The following DLC1 variants were observed in gnomAD, a reference collection of about 807,000 sequenced individuals.
DLC1 encodes the protein rho GTPase-activating protein 7.
Under a neutral mutation model 140.3 loss-of-function variants are expected in DLC1, and 54 were observed. The observed-to-expected ratio is 0.38, with a 90% CI of 0.31 to 0.48. DLC1 has a LOEUF of 0.48. DLC1 is among the 20% of genes least tolerant of loss of function. DLC1 has a pLI of 0.96. For synonymous variants in DLC1, 986 were observed against 728.1 expected (o/e 1.35, Z -5.70); for missense variants, 2,536 against 1,907.0 (o/e 1.33, Z -6.14).
intron 5 of DLC1, among the ~76,000 whole-genome samples, chr8:13,210,401 G>A (rs973479307): frequency 6.6e-6 from 1 of 152,070 alleles, no homozygotes; most frequent in African/African-American, 2.4e-5. Context: ...TTTTACTGGA[G>A]GCATTGTCAT....
chr8:13,409,340 G>A (rs1256137305), intron 2 of DLC1, among the ~76,000 whole-genome samples: 2 of 152,030 alleles, frequency 1.3e-5, no homozygotes, highest in Non-Finnish European at 1.5e-5. Flanking sequence ...TATGTTTTAG[G>A]AAATGCTTTA....
chr8:13,292,577 T>C (rs567529232), intron 5 of DLC1, among the ~76,000 whole-genome samples: 1 of 152,280 alleles, frequency 6.6e-6, no homozygotes, highest in African/African-American at 2.4e-5. Context: ...ATGGACGCTA[T>C]TGTGTTCATC....
At chr8:13,107,688 A>G (rs1161012755) in intron 7 of DLC1, among the ~76,000 whole-genome samples, 2 of 152,198 alleles carry the variant, frequency 1.3e-5, no homozygotes, top group Non-Finnish European at 2.9e-5. Flanking sequence ...AGTGACTATC[A>G]CATAATCAGT....
intron 1 of DLC1, among the ~76,000 whole-genome samples, chr8:13,552,001 G>A (rs1018788609): frequency 9.1e-5 from 13 of 143,502 alleles, no homozygotes; most frequent in African/African-American, 3.1e-4. Context: ...ATGTGTGTGT[G>A]TGCATATATA....
At chr8:13,300,854 A>G (rs113334892) in intron 5 of DLC1, among the ~76,000 whole-genome samples, 1 of 152,372 alleles carries the variant, frequency 6.6e-6, no homozygotes, top group South Asian at 2.1e-4. Flanking sequence ...CTCTGGTGAC[A>G]GTGCAGATAA....
intron 5 of DLC1, among the ~76,000 whole-genome samples, chr8:13,183,373 A>G (rs970846967): frequency 1.3e-5 from 2 of 152,148 alleles, no homozygotes; most frequent in African/African-American, 4.8e-5. Flanking sequence ...GTGGTGAGAG[A>G]GGGCATCCTT....
intron 5 of DLC1, among the ~76,000 whole-genome samples, chr8:13,138,853 G>T (rs1047853497): frequency 1.3e-5 from 2 of 152,150 alleles, no homozygotes; most frequent in African/African-American, 4.8e-5. Context: ...AGGGGCTTAG[G>T]CAGCAAAATT....
In DLC1 at chr8:13,499,219, G is replaced by A. The variant is rs763099015; in HGVS notation, c.853C>T (p.Pro285Ser). The A allele has an allele frequency of 5.0e-6, 8 of 1,613,992 alleles. No homozygotes were observed. Among genetic ancestry groups the A allele is most frequent in the Non-Finnish European group, 6.8e-6 (8 of 1,180,020 alleles). ...GSCLLQPPSC[P>S]NGMSAENGLE... ...CCATTTTCAGCTGACATTCCATTGG[G>A]GCAGGAAGGAGGCTGCAGAAGGCAG... The change falls in exon 2 of 18, where the codon CCC becomes TCC. Residue 285 changes from proline to serine, a missense_variant. Physicochemically the swap from Pro to Ser is moderately conservative, Grantham distance 74 (BLOSUM62 -1). Transcript: ENST00000276297.
chr8:13,342,250 C>T (rs1191955129), intron 4 of DLC1: 1 of 152,124 alleles, frequency 6.6e-6, no homozygotes, highest in African/African-American at 2.4e-5. Flanking sequence ...AAAACAGTCA[C>T]CTCCTATTTC....
chr8:13,539,105 G>A (rs888845242), intron 1 of DLC1, among the ~76,000 whole-genome samples: 2 of 151,824 alleles, frequency 1.3e-5, no homozygotes. Flanking sequence ...ATCACATTTG[G>A]TCATAATCAC....
At chr8:13,353,402 G>C (rs77336274) in intron 4 of DLC1, 1 of 152,182 alleles carries the variant, frequency 6.6e-6, no homozygotes, top group Non-Finnish European at 1.5e-5. Flanking sequence ...CAGGCCAGGC[G>C]TTCTGGTTGG....
Position 13,293,744 on chromosome 8 carries a change from G to C in DLC1, c.1348+11525C>G, listed in dbSNP as rs1008387165. Among the ~76,000 whole-genome samples the C allele has an allele frequency of 4.6e-5, 7 of 152,018 alleles. No homozygotes were observed. The East Asian group carries it at 1.2e-3, about 25-fold the overall frequency. ...TGCCACTTTCAGCTGCAGAGACCTG[G>C]GAAGACCACTTCAAATGTGGGAGGA... On this transcript the variant is annotated intron_variant, in intron 5 of 17. Coordinates refer to ENST00000276297, the MANE Select transcript of DLC1 (RefSeq NM_182643.3).
At chr8:13,353,833 G>C (rs1423452700) in intron 4 of DLC1, among the ~76,000 whole-genome samples, 1 of 151,874 alleles carries the variant, frequency 6.6e-6, no homozygotes, top group African/African-American at 2.4e-5. Flanking sequence ...CTCCAGCCTG[G>C]GGGACAAGAG....
chr8:13,133,892 T>C lies in DLC1; in HGVS notation c.1349-18235A>G, dbSNP rs145341100. 3.5e-3 allele frequency among the ~76,000 whole-genome samples: 528 copies of C among 152,274 alleles called. 2 individuals carry two copies. Among genetic ancestry groups the C allele is most frequent in the African/African-American group, 0.012 (509 of 41,566 alleles). ...ACCTGTCCCTTGGACATTGGTTATT[T>C]ATTGCTAAAACCCGCATGGGTACGG... On this transcript the variant is annotated intron_variant, in intron 5 of 17. Coordinates refer to ENST00000276297, the MANE Select transcript of DLC1 (RefSeq NM_182643.3).
intron 5 of DLC1, among the ~76,000 whole-genome samples, chr8:13,154,494 CG>C (rs948997570): frequency 1.1e-4 from 17 of 152,324 alleles, no homozygotes; most frequent in African/African-American, 3.8e-4. Flanking sequence ...GCTCCGAGTG[CG>C]GGGCCTGCCG....
intron 2 of DLC1, among the ~76,000 whole-genome samples, chr8:13,438,548 T>C (rs1563346685): frequency 6.6e-6 from 1 of 152,146 alleles, no homozygotes; most frequent in Non-Finnish European, 1.5e-5. Flanking sequence ...TGAGAAGTTG[T>C]TGCGATCTGG....
At chr8:13,491,163 C>A (rs765360164) in intron 2 of DLC1, among the ~76,000 whole-genome samples, 7 of 150,510 alleles carry the variant, frequency 4.7e-5, no homozygotes, top group Non-Finnish European at 8.9e-5. Context: ...AGGCATCTGG[C>A]AGCAAATCTC....
At chr8:13,375,188 CG>C (rs922981028) in intron 4 of DLC1, among the ~76,000 whole-genome samples, 28 of 152,164 alleles carry the variant, frequency 1.8e-4, no homozygotes, top group African/African-American at 4.8e-4. Context: ...CCACTATGCC[CG>C]GCTAAATTTT....
intron 1 of DLC1, among the ~76,000 whole-genome samples, chr8:13,542,144 A>C (rs1803504878): frequency 6.6e-6 from 1 of 152,166 alleles, no homozygotes; most frequent in African/African-American, 2.4e-5. Context: ...TACTTAATTC[A>C]AGACCACATT....
Sources: allele counts gnomAD v4.1 joint callset (sites outside exome capture counted in the v4.1 genomes callset), GRCh38; gene constraint gnomAD v4.1.1; transcripts MANE v1.5; gene names NCBI Gene and HGNC (gene_info 2026-07-23, HGNC 2026-07-21).